TRIO: variants seen among roughly 807,000 people sequenced by gnomAD.
TRIO encodes triple functional domain protein.
Under a neutral mutation model 351.9 loss-of-function variants are expected in TRIO, and 58 were observed. The ratio of observed to expected loss-of-function variants is 0.16; its 90% CI spans 0.13 to 0.21. TRIO has a LOEUF of 0.21. Among genes scored for constraint, TRIO ranks in the 10% least tolerant of loss-of-function variants. The probability of loss-of-function intolerance (pLI) is 1.00; values close to 1 mark genes in which losing one functional copy is unlikely to be tolerated. For synonymous variants in TRIO, 1,758 were observed against 1,595.7 expected, an observed-to-expected ratio of 1.10 and a Z score of -2.42; for missense variants, 3,201 against 4,027.8, an observed-to-expected ratio of 0.79 and a Z score of 5.56.
chr5:14,191,623 A>G (rs868084243), intron 1 of TRIO, among the ~76,000 whole-genome samples: 41 of 151,858 alleles, frequency 2.7e-4, no homozygotes, highest in African/African-American at 9.4e-4. Context: ...ACTTATTTTC[A>G]TCATTAACAT....
intron 34 of TRIO, among the ~76,000 whole-genome samples, chr5:14,433,479 G>A (rs1431199497): frequency 6.6e-6 from 1 of 152,240 alleles, no homozygotes; most frequent in African/African-American, 2.4e-5. Flanking sequence ...TGGTGCAGCT[G>A]TGCTTGAAGC....
chr5:14,144,570 G>A (rs1306596173), intron 1 of TRIO, among the ~76,000 whole-genome samples: 2 of 152,152 alleles, frequency 1.3e-5, no homozygotes, highest in Non-Finnish European at 2.9e-5. Context: ...AGGGTCAGCT[G>A]GGAACGTGGC....
At chr5:14,351,651 CAT>C (rs1266444917) in intron 11 of TRIO, among the ~76,000 whole-genome samples, 1 of 152,204 alleles carries the variant, frequency 6.6e-6, no homozygotes, top group Non-Finnish European at 1.5e-5. Flanking sequence ...GCTTTCATTA[CAT>C]ACAGGAGAAA....
In TRIO at chr5:14,231,205, A is replaced by G. The variant is rs1164946158; in HGVS notation, c.158-39620A>G. ...AGTCCATTTTAAAATAATGGCACCT[A>G]CCACATCCATTTTTCCGTCTTTAGG... On this transcript the variant is annotated intron_variant, in intron 1 of 56. Coordinates refer to ENST00000344204, the MANE Select transcript of TRIO (RefSeq NM_007118.4). Among the ~76,000 whole-genome samples the G allele has an allele frequency of 2.0e-5, 3 of 152,190 alleles. No homozygotes were observed. The East Asian group carries it at 5.8e-4, about 29-fold the overall frequency.
intron 1 of TRIO, among the ~76,000 whole-genome samples, chr5:14,223,794 T>C (rs1792805190): frequency 6.6e-6 from 1 of 152,244 alleles, no homozygotes; most frequent in Non-Finnish European, 1.5e-5. Context: ...AAATGTGTAA[T>C]ATTTTAGGCT....
At chr5:14,248,061 G>A (rs1443053529) in intron 1 of TRIO, among the ~76,000 whole-genome samples, 24 of 85,878 alleles carry the variant, frequency 2.8e-4, no homozygotes, top group Middle Eastern at 5.3e-3. Context: ...GCGAGACTCC[G>A]TCTCAAAAAA....
chr5:14,381,320 G>A lies in TRIO; in HGVS notation c.3570+68G>A, dbSNP rs914852557. On this transcript the variant is annotated intron_variant, in intron 21 of 56. Coordinates refer to ENST00000344204, the MANE Select transcript of TRIO (RefSeq NM_007118.4). ...AGCGAGTCTTCAAAAATATCATAAAGAAATACCTCATGAGATTGGAGAAAA... is the reference window on the plus strand; with the variant it reads ...AGCGAGTCTTCAAAAATATCATAAAAAAATACCTCATGAGATTGGAGAAAA... 14 of 1,519,088 alleles carry A rather than the reference G, an allele frequency of 9.2e-6. No homozygotes were observed. In the African/African-American group the frequency reaches 2.0e-4, roughly 21 times the overall value. 94.1% of individuals were successfully genotyped at this position (1,519,088 alleles called of 1,614,324 possible). A position where few individuals can be genotyped will look rare whatever the true frequency, so the allele number is the denominator to read the frequency against.
intron 11 of TRIO, among the ~76,000 whole-genome samples, chr5:14,341,158 C>T (rs575887392): frequency 6.6e-6 from 1 of 152,338 alleles, no homozygotes; most frequent in Non-Finnish European, 1.5e-5. Flanking sequence ...ATGCATTCCC[C>T]TTCAGTCCTG....
At chr5:14,406,177 G>A (rs1476610129) in intron 32 of TRIO, 187 bp downstream of exon 32, 48 of 912,674 alleles carry the variant, frequency 5.3e-5, no homozygotes, top group Non-Finnish European at 7.5e-5. Flanking sequence ...GCCTCTATTG[G>A]CTTAGAGTAA....
At chr5:14,421,573 C>T (rs945242083) in intron 34 of TRIO, among the ~76,000 whole-genome samples, 9 of 147,774 alleles carry the variant, frequency 6.1e-5, no homozygotes, top group African/African-American at 2.0e-4. Context: ...CATTGCACTC[C>T]AGCCTGGGCA....
chr5:14,193,475 T>A (rs1163907347), intron 1 of TRIO, among the ~76,000 whole-genome samples: 1 of 152,238 alleles, frequency 6.6e-6, no homozygotes, highest in African/African-American at 2.4e-5. Flanking sequence ...TTAACCTGTT[T>A]CCTTTTATTG....
intron 13 of TRIO, among the ~76,000 whole-genome samples, chr5:14,361,857 C>G (rs570691854): frequency 6.6e-6 from 1 of 152,304 alleles, no homozygotes; most frequent in East Asian, 1.9e-4. Context: ...GTGGCTCACG[C>G]CTATAATCCT....
chr5:14,359,626 T>G (rs1561389119), intron 13 of TRIO, 95 bp downstream of exon 13: 3 of 1,422,502 alleles, frequency 2.1e-6, no homozygotes, highest in African/African-American at 1.4e-5. Context: ...GCTGAGGTCC[T>G]GTGTCCTCAC....
At chr5:14,204,466 C>T (rs1220365585) in intron 1 of TRIO, among the ~76,000 whole-genome samples, 1 of 152,086 alleles carries the variant, frequency 6.6e-6, no homozygotes, top group Non-Finnish European at 1.5e-5. Flanking sequence ...AAGCAAGGTC[C>T]TGGCACCCAT....
intron 13 of TRIO, among the ~76,000 whole-genome samples, chr5:14,362,911 C>A (rs1744276999): frequency 6.6e-6 from 1 of 151,854 alleles, no homozygotes; most frequent in Admixed American, 6.6e-5. Context: ...TAGCTAGATT[C>A]ATCTATAAAG....
chr5:14,180,530 G>C (rs947368470), intron 1 of TRIO, among the ~76,000 whole-genome samples: 1 of 152,176 alleles, frequency 6.6e-6, no homozygotes, highest in Non-Finnish European at 1.5e-5. Flanking sequence ...AGAAGTGTCT[G>C]ATCTTTGCAT....
At chr5:14,476,869 C>CTAA in intron 40 of TRIO, 25 bp from the exon 41 acceptor site, 1 of 1,594,034 alleles carries the variant, frequency 6.3e-7, no homozygotes, top group South Asian at 1.1e-5. Context: ...GGAAATAGTT[C>CTAA]TAATATTTTC....
At chr5:14,285,748 G>A (rs140968803) in intron 3 of TRIO, among the ~76,000 whole-genome samples, 16 of 152,096 alleles carry the variant, frequency 1.1e-4, no homozygotes, top group African/African-American at 3.6e-4. Context: ...TTTATGTTTG[G>A]GGAAAACCAC....
At chr5:14,334,119 G>A (rs894701556) in intron 10 of TRIO, among the ~76,000 whole-genome samples, 8 of 152,264 alleles carry the variant, frequency 5.3e-5, no homozygotes, top group Admixed American at 3.3e-4. Context: ...CGATTTCCTC[G>A]CCTGTGAAAT....
Sources: gnomAD v4.1 joint callset for allele counts (sites outside exome capture counted in the v4.1 genomes callset) on GRCh38, gnomAD v4.1.1 for gene constraint, MANE v1.5 for transcripts, NCBI Gene and HGNC (gene_info 2026-07-23, HGNC 2026-07-21) for gene names.